KCNMA1: variants seen among roughly 807,000 people sequenced by gnomAD.
KCNMA1 encodes the protein potassium calcium-activated channel subfamily M alpha 1.
In KCNMA1, 29 loss-of-function variants were observed where a neutral mutation model predicts 140.0. The observed-to-expected ratio is 0.21, with a 90% CI of 0.15 to 0.28. KCNMA1 has a LOEUF of 0.28. KCNMA1 is among the 10% of genes least tolerant of loss of function. The pLI is 1.00. For missense variants in KCNMA1, 880 were observed against 1,602.2 expected, an observed-to-expected ratio of 0.55 and a Z score of 7.70; for synonymous variants, 612 against 611.9, an observed-to-expected ratio of 1.00 and a Z score of 0.00.
intron 1 of KCNMA1, among the ~76,000 whole-genome samples, chr10:77,537,095 A>C (rs1439115473): frequency 6.6e-6 from 1 of 152,226 alleles, no homozygotes; most frequent in Non-Finnish European, 1.5e-5. Flanking sequence ...AACACGGGAC[A>C]TCACCAGTTC....
chr10:77,038,905 A>T (rs2094493981), intron 15 of KCNMA1, among the ~76,000 whole-genome samples: 1 of 152,134 alleles, frequency 6.6e-6, no homozygotes, highest in South Asian at 2.1e-4. Context: ...CCCATAGGTG[A>T]CCATCTATTC....
intron 2 of KCNMA1, among the ~76,000 whole-genome samples, chr10:77,318,728 A>G (rs927202399): frequency 1.3e-5 from 2 of 152,182 alleles, no homozygotes; most frequent in African/African-American, 2.4e-5. Context: ...ACCTCTTGGT[A>G]TCTTGGTGGA....
intron 1 of KCNMA1, among the ~76,000 whole-genome samples, chr10:77,497,378 A>G (rs2042336459): frequency 6.6e-6 from 1 of 152,234 alleles, no homozygotes; most frequent in Non-Finnish European, 1.5e-5. Context: ...GGCCAGACAC[A>G]GATGAACTTG....
At chr10:77,144,439 G>C (rs2098248789) in intron 5 of KCNMA1, among the ~76,000 whole-genome samples, 1 of 152,150 alleles carries the variant, frequency 6.6e-6, no homozygotes, top group African/African-American at 2.4e-5. Context: ...AGCAGATATT[G>C]ACAGAAATGA....
At chr10:77,473,275 A>C (rs1038586341) in intron 1 of KCNMA1, among the ~76,000 whole-genome samples, 5 of 152,216 alleles carry the variant, frequency 3.3e-5, no homozygotes, top group African/African-American at 1.2e-4. Context: ...GGAGGCAGGC[A>C]TTGGAGGAGT....
intron 14 of KCNMA1, among the ~76,000 whole-genome samples, chr10:77,042,456 G>A (rs1036093774): frequency 3.3e-5 from 5 of 152,198 alleles, no homozygotes; most frequent in African/African-American, 4.8e-5. Context: ...GATACTATAT[G>A]AGGTATCACT....
intron 2 of KCNMA1, among the ~76,000 whole-genome samples, chr10:77,268,861 T>C (rs1355204495): frequency 1.3e-5 from 2 of 152,118 alleles, no homozygotes. Flanking sequence ...GTGCGCACAG[T>C]GATTTAATGA....
At chr10:77,308,761 T>A (rs1339812628) in intron 2 of KCNMA1, among the ~76,000 whole-genome samples, 1 of 152,212 alleles carries the variant, frequency 6.6e-6, no homozygotes, top group Non-Finnish European at 1.5e-5. Flanking sequence ...TCTACTCTGA[T>A]GTCTGAGGCT....
At chr10:76,984,067 C>T (rs1361255328) in intron 19 of KCNMA1, among the ~76,000 whole-genome samples, 2 of 152,090 alleles carry the variant, frequency 1.3e-5, no homozygotes, top group African/African-American at 4.8e-5. Flanking sequence ...GAAAAGTCTT[C>T]CTAAAAAACA....
At chr10:77,159,456 C>A (rs1564891897) in intron 5 of KCNMA1, among the ~76,000 whole-genome samples, 1 of 152,054 alleles carries the variant, frequency 6.6e-6, no homozygotes, top group African/African-American at 2.4e-5. Context: ...AGAGCCACAC[C>A]ATTTTGGCCC....
chr10:77,217,604 A>G (rs143642187), intron 3 of KCNMA1: 6,715 of 444,500 alleles, frequency 0.015, 76 homozygotes, highest in Middle Eastern at 0.023. Flanking sequence ...CACAGACAGA[A>G]CAAAGTGGAA....
At chr10:77,242,445 G>A (rs924132022) in intron 3 of KCNMA1, among the ~76,000 whole-genome samples, 4 of 152,082 alleles carry the variant, frequency 2.6e-5, no homozygotes, top group Non-Finnish European at 5.9e-5. Context: ...TGAGTTTTCT[G>A]TCTATTCAAC....
intron 23 of KCNMA1, among the ~76,000 whole-genome samples, chr10:76,942,236 G>T (rs140081068): frequency 6.6e-6 from 1 of 152,268 alleles, no homozygotes; most frequent in African/African-American, 2.4e-5. Flanking sequence ...GCCTCCCAAG[G>T]CGTGAGCCAC....
intron 5 of KCNMA1, among the ~76,000 whole-genome samples, chr10:77,127,624 G>A (rs960507283): frequency 6.7e-6 from 1 of 148,738 alleles, no homozygotes; most frequent in Non-Finnish European, 1.5e-5. Context: ...GAGAGAAGGA[G>A]AGAAGGCAGG....
At chr10:77,554,214 C>G (rs1286523722) in intron 1 of KCNMA1, among the ~76,000 whole-genome samples, 1 of 152,190 alleles carries the variant, frequency 6.6e-6, no homozygotes, top group African/African-American at 2.4e-5. Flanking sequence ...GCACAGGGAA[C>G]AGCAGAGACA....
intron 1 of KCNMA1, among the ~76,000 whole-genome samples, chr10:77,414,753 G>A (rs1259366149): frequency 6.6e-6 from 1 of 152,150 alleles, no homozygotes. Flanking sequence ...GCCTCCCAAA[G>A]TGCTGGGATT....
intron 2 of KCNMA1, among the ~76,000 whole-genome samples, chr10:77,283,494 GA>G: frequency 6.6e-6 from 1 of 152,196 alleles, no homozygotes; most frequent in African/African-American, 2.4e-5. Flanking sequence ...TTCCCTGTCA[GA>G]TTCTTGATAA....
At chr10:77,200,629 T>C (rs2042152849) in intron 3 of KCNMA1, among the ~76,000 whole-genome samples, 1 of 145,028 alleles carries the variant, frequency 6.9e-6, no homozygotes, top group Admixed American at 6.9e-5. Flanking sequence ...AGCACATGTC[T>C]CTTAATCTTC....
chr10:77,457,724 C>T (rs1279427347), intron 1 of KCNMA1, among the ~76,000 whole-genome samples: 6 of 152,174 alleles, frequency 3.9e-5, no homozygotes, highest in Non-Finnish European at 8.8e-5. Context: ...CCCTCCAGCA[C>T]GGGCATTCTG....
Sources: allele counts gnomAD v4.1 joint callset (sites outside exome capture counted in the v4.1 genomes callset), GRCh38; gene constraint gnomAD v4.1.1; transcripts MANE v1.5; gene names NCBI Gene and HGNC (gene_info 2026-07-23, HGNC 2026-07-21).